MSRA: variants seen among roughly 807,000 people sequenced by gnomAD.
MSRA encodes methionine sulfoxide reductase A.
A neutral mutation model predicts 31.3 loss-of-function variants in MSRA; 54 were observed. That is an observed-to-expected ratio of 1.73 (90% confidence interval 1.39 to 2.17). The LOEUF is 2.17. MSRA is among the 30% of genes most tolerant of loss of function. The pLI is 0.00. For synonymous variants in MSRA, 169 were observed against 116.5 expected (o/e 1.45, Z -2.90); for missense variants, 507 against 300.9 (o/e 1.69, Z -5.07).
chr8:10,328,625 C>G (rs4841317), intron 5 of MSRA, among the ~76,000 whole-genome samples: 9 of 152,020 alleles, frequency 5.9e-5, no homozygotes, highest in Admixed American at 2.0e-4. Flanking sequence ...TGAACTCCTT[C>G]GCATGGTCTA....
At chr8:10,371,747 A>T (rs1157150353) in intron 5 of MSRA, among the ~76,000 whole-genome samples, 5 of 152,078 alleles carry the variant, frequency 3.3e-5, no homozygotes, top group African/African-American at 1.2e-4. Context: ...CTACCATGCA[A>T]GCATAACCAC....
chr8:10,255,134 C>T (rs919971397), intron 3 of MSRA, among the ~76,000 whole-genome samples: 1 of 152,202 alleles, frequency 6.6e-6, no homozygotes, highest in Non-Finnish European at 1.5e-5. Context: ...CTACCAGGAG[C>T]TTAGTCTGTA....
intron 2 of MSRA, among the ~76,000 whole-genome samples, chr8:10,226,724 T>A (rs1239590636): frequency 1.3e-5 from 2 of 151,826 alleles, no homozygotes; most frequent in African/African-American, 2.4e-5. Context: ...TGTTTGTTTG[T>A]TTGTTTGTTT....
intron 5 of MSRA, among the ~76,000 whole-genome samples, chr8:10,402,335 A>G (rs1563439903): frequency 6.6e-6 from 1 of 152,206 alleles, no homozygotes; most frequent in Non-Finnish European, 1.5e-5. Context: ...TGGGCAGGGG[A>G]CAGAGAACCG....
At chr8:10,065,550 C>G (rs1797413971) in intron 1 of MSRA, among the ~76,000 whole-genome samples, 1 of 152,196 alleles carries the variant, frequency 6.6e-6, no homozygotes, top group African/African-American at 2.4e-5. Flanking sequence ...CTGACTTAAG[C>G]TATGTGAATT....
intron 3 of MSRA, among the ~76,000 whole-genome samples, chr8:10,273,988 G>A (rs1799184419): frequency 6.6e-6 from 1 of 152,142 alleles, no homozygotes; most frequent in South Asian, 2.1e-4. Context: ...GTACCCTGCA[G>A]GGGCCTGGTG....
intron 1 of MSRA, chr8:10,096,404 G>A: frequency 1.9e-6 from 1 of 519,198 alleles, no homozygotes; most frequent in Middle Eastern, 9.5e-4. Flanking sequence ...TCTAAGAGAT[G>A]TATGCGATTA....
intron 1 of MSRA, among the ~76,000 whole-genome samples, chr8:10,136,220 G>T (rs1350433805): frequency 6.6e-6 from 1 of 152,220 alleles, no homozygotes; most frequent in Non-Finnish European, 1.5e-5. Context: ...GTGCAGAGAG[G>T]CACATTGGTG....
chr8:10,213,015 A>C (rs145183272), intron 2 of MSRA, among the ~76,000 whole-genome samples: 2,128 of 152,212 alleles, frequency 0.014, 65 homozygotes, highest in African/African-American at 0.048. Context: ...GTCCCCTCAA[A>C]CATTTATCCT....
intron 1 of MSRA, among the ~76,000 whole-genome samples, chr8:10,065,225 G>C (rs1050256210): frequency 2.0e-5 from 3 of 152,050 alleles, no homozygotes; most frequent in African/African-American, 7.2e-5. Context: ...GTGTCCAGGT[G>C]GTCCTGATAA....
chr8:10,213,335 GTGT>G (rs1809682583), intron 2 of MSRA, among the ~76,000 whole-genome samples: 1 of 150,784 alleles, frequency 6.6e-6, no homozygotes, highest in Non-Finnish European at 1.5e-5. Flanking sequence ...ACTTAACATA[GTGT>G]TGTTGCAACA....
chr8:10,427,864 C>T (rs922707207), intron 5 of MSRA, among the ~76,000 whole-genome samples: 12 of 152,168 alleles, frequency 7.9e-5, no homozygotes, highest in Non-Finnish European at 5.9e-5. Context: ...CCAGGGCCCC[C>T]AACATGCACT....
rs561922766 is a variant in MSRA, at chr8:10,151,630, A to G, written c.143-56203A>G. On this transcript the variant is annotated intron_variant, in intron 1 of 5. Coordinates refer to ENST00000317173, the MANE Select transcript of MSRA (RefSeq NM_012331.5). ...GCGCCACTGCACTCCAGCCTGGGCG[A>G]CAGAGTGAGACTGTGTCTCAAAAAC... 5.3e-5 allele frequency among the ~76,000 whole-genome samples: 8 copies of G among 152,340 alleles called. No homozygotes were observed. In the South Asian group the frequency reaches 1.0e-3, roughly 20 times the overall value.
chr8:10,428,102 G>C (rs759122225), intron 5 of MSRA, 46 bp from the exon 6 acceptor site: 4 of 1,581,782 alleles, frequency 2.5e-6, no homozygotes, highest in African/African-American at 2.7e-5. Flanking sequence ...CGCAGGTGCT[G>C]TCTCTCTAGC....
At chr8:10,262,388 T>G (rs973085213) in intron 3 of MSRA, among the ~76,000 whole-genome samples, 5 of 152,298 alleles carry the variant, frequency 3.3e-5, no homozygotes, top group Admixed American at 6.5e-5. Flanking sequence ...GCATTTGGTG[T>G]TGTTGGTGTT....
chr8:10,305,409 C>CTTTTTTTTTTTTTTT (rs549346544), intron 4 of MSRA, among the ~76,000 whole-genome samples: 50 of 122,940 alleles, frequency 4.1e-4, no homozygotes, highest in African/African-American at 1.0e-3. Flanking sequence ...TGTTTTCTTC[C>CTTTTTTTTTTTTTTT]TTTTTTTTTT....
intron 5 of MSRA, among the ~76,000 whole-genome samples, chr8:10,348,806 C>T (rs998148915): frequency 6.6e-6 from 1 of 152,176 alleles, no homozygotes; most frequent in Non-Finnish European, 1.5e-5. Context: ...CAACAGGTAT[C>T]TGGGATCTGC....
intron 1 of MSRA, among the ~76,000 whole-genome samples, chr8:10,058,632 C>G (rs373435391): frequency 2.0e-5 from 3 of 152,294 alleles, no homozygotes; most frequent in South Asian, 4.1e-4. Context: ...ATTTCCTTGA[C>G]ATAGCATATC....
chr8:10,283,127 A>G (rs910115374), intron 3 of MSRA, among the ~76,000 whole-genome samples: 2 of 87,332 alleles, frequency 2.3e-5, no homozygotes, highest in Non-Finnish European at 4.8e-5. Context: ...ATATATTCAC[A>G]TTACACACAC....
Sources: allele counts gnomAD v4.1 joint callset (sites outside exome capture counted in the v4.1 genomes callset), GRCh38; gene constraint gnomAD v4.1.1; transcripts MANE v1.5; gene names NCBI Gene and HGNC (gene_info 2026-07-23, HGNC 2026-07-21).